The following AKT3 variants were observed in gnomAD, a reference collection of about 807,000 sequenced individuals.
The protein encoded by AKT3 is AKT serine/threonine kinase 3, also known as RAC-gamma serine/threonine-protein kinase.
A neutral mutation model predicts 65.3 loss-of-function variants in AKT3; 15 were observed. The ratio of observed to expected loss-of-function variants is 0.23; its 90% confidence interval spans 0.15 to 0.35. AKT3 has a LOEUF of 0.35. Among genes scored for constraint, AKT3 ranks in the 10% least tolerant of loss-of-function variants. The pLI, the probability that AKT3 is intolerant of heterozygous loss-of-function variation, is 1.00. For missense variants in AKT3, 243 were observed against 576.5 expected (o/e 0.42, Z 5.92); for synonymous variants, 206 against 183.8 (o/e 1.12, Z -0.98).
At chr1:243,829,185 G>C (rs1694351543) in intron 2 of AKT3, among the ~76,000 whole-genome samples, 1 of 151,854 alleles carries the variant, frequency 6.6e-6, no homozygotes, top group Non-Finnish European at 1.5e-5. Context: ...CTTTATATTG[G>C]CATGACATAC....
intron 12 of AKT3, 80 bp downstream of exon 12, chr1:243,545,430 C>T: frequency 1.3e-6 from 1 of 782,796 alleles, no homozygotes; most frequent in Non-Finnish European, 2.1e-6. Flanking sequence ...AACTTTTATT[C>T]ACTTAAAATA....
chr1:243,832,012 G>A (rs1312862990), intron 2 of AKT3, among the ~76,000 whole-genome samples: 9 of 151,252 alleles, frequency 6.0e-5, no homozygotes, highest in African/African-American at 2.2e-4. Context: ...CACCAACAGT[G>A]GCTCCTGCCT....
chr1:243,633,165 T>C (rs901860202), intron 6 of AKT3, among the ~76,000 whole-genome samples: 5 of 152,054 alleles, frequency 3.3e-5, no homozygotes, highest in South Asian at 2.1e-4. Flanking sequence ...TTTCAAAAAA[T>C]GAGGGAGGTA....
intron 4 of AKT3, among the ~76,000 whole-genome samples, chr1:243,648,317 A>AAAAT (rs1558682318): frequency 6.6e-6 from 1 of 152,018 alleles, no homozygotes; most frequent in Non-Finnish European, 1.5e-5. Context: ...CTTTTTCTGT[A>AAAAT]TCTCTATAAA....
intron 8 of AKT3, among the ~76,000 whole-genome samples, chr1:243,576,560 A>G (rs1003884599): frequency 2.6e-5 from 4 of 152,238 alleles, no homozygotes; most frequent in Non-Finnish European, 5.9e-5. Flanking sequence ...TCAATGTGCA[A>G]AAGTCATAAG....
chr1:243,552,079 C>T (rs905207656), intron 11 of AKT3, among the ~76,000 whole-genome samples: 2 of 152,028 alleles, frequency 1.3e-5, no homozygotes, highest in East Asian at 1.9e-4. Flanking sequence ...CACTTGAGGT[C>T]GGGAGTTCAA....
At chr1:243,496,137 A>T (rs1338670358), downstream of AKT3, among the ~76,000 whole-genome samples, 1 of 152,256 alleles carries the variant, frequency 6.6e-6, no homozygotes, top group Non-Finnish European at 1.5e-5. Context: ...TGAGATAAAT[A>T]ACCATTTTGT....
intron 2 of AKT3, among the ~76,000 whole-genome samples, chr1:243,806,482 C>A (rs1692734543): frequency 6.6e-6 from 1 of 152,186 alleles, no homozygotes; most frequent in African/African-American, 2.4e-5. Context: ...ATACCAAAAG[C>A]ATTAACTGAC....
intron 2 of AKT3, among the ~76,000 whole-genome samples, chr1:243,756,954 T>A (rs531171636): frequency 6.6e-6 from 1 of 152,272 alleles, no homozygotes; most frequent in South Asian, 2.1e-4. Context: ...ATAACCTACA[T>A]CTAATCAGGA....
intron 3 of AKT3, chr1:243,687,761 G>GT (rs1333121286): frequency 6.6e-6 from 1 of 152,068 alleles, no homozygotes; most frequent in Non-Finnish European, 1.5e-5. Flanking sequence ...TTACATTATA[G>GT]TTTTCTTAAA....
chr1:243,516,653 GAGCAATCCTCCTGCCTCAGCCTCCTGA>G lies in AKT3; in HGVS notation c.1252-4254_1252-4228del, dbSNP rs1315070620. 5.1e-3 allele frequency among the ~76,000 whole-genome samples: 772 copies of G among 151,980 alleles called. 6 individuals are homozygous for G. Among genetic ancestry groups the G allele is most frequent in the African/African-American group, 0.015 (616 of 41,470 alleles). On this transcript the variant is annotated intron_variant, in intron 12 of 13. Transcript: ENST00000673466. ...CTGAAGCCTCAAAACTCCTGGCCTC[GAGCAATCCTCCTGCCTCAGCCTCCTGA>G]AGCAATCCTCCTGCCTCAGCCTCCT...
chr1:243,667,937 C>A (rs1682911757), intron 3 of AKT3, among the ~76,000 whole-genome samples: 1 of 152,182 alleles, frequency 6.6e-6, no homozygotes, highest in Non-Finnish European at 1.5e-5. Flanking sequence ...CCCTCACACA[C>A]CCGCACAGCT....
At chr1:243,624,444 CTTTT>C (rs1270565031) in intron 6 of AKT3, among the ~76,000 whole-genome samples, 1 of 152,134 alleles carries the variant, frequency 6.6e-6, no homozygotes, top group African/African-American at 2.4e-5. Flanking sequence ...AATGTATCCA[CTTTT>C]TTTAAGACAA....
downstream of AKT3, among the ~76,000 whole-genome samples, chr1:243,497,400 G>C (rs1668269290): frequency 1.3e-5 from 2 of 151,708 alleles, no homozygotes. Flanking sequence ...GATGGATATG[G>C]GGCTTCTCAC....
intron 5 of AKT3, among the ~76,000 whole-genome samples, chr1:243,640,220 G>C (rs770272017): frequency 1.3e-5 from 2 of 152,278 alleles, no homozygotes; most frequent in South Asian, 2.1e-4. Context: ...AAATCAGCTA[G>C]TGTCATTTGA....
chr1:243,555,684 A>T (rs1239367496), intron 10 of AKT3, among the ~76,000 whole-genome samples: 1 of 152,116 alleles, frequency 6.6e-6, no homozygotes, highest in East Asian at 1.9e-4. Context: ...GAAAGGTATG[A>T]TAAACAGTGG....
At chr1:243,695,556 A>C in intron 3 of AKT3, 35 bp downstream of exon 3, 1 of 1,530,140 alleles carries the variant, frequency 6.5e-7, no homozygotes, top group Non-Finnish European at 8.8e-7. Context: ...AAAATAAATA[A>C]ATACAAGATG....
intron 8 of AKT3, among the ~76,000 whole-genome samples, chr1:243,579,851 CAAAT>C (rs1213659908): frequency 2.0e-5 from 3 of 152,084 alleles, no homozygotes; most frequent in Admixed American, 6.5e-5. Context: ...AGGAAAATGA[CAAAT>C]AGTGCAACAA....
At chr1:243,663,979 A>G (rs1325685358) in intron 4 of AKT3, among the ~76,000 whole-genome samples, 1 of 152,106 alleles carries the variant, frequency 6.6e-6, no homozygotes, top group Non-Finnish European at 1.5e-5. Context: ...AGTAATAATG[A>G]CAGTCAATGC....
Sources: gnomAD v4.1 joint callset for allele counts (sites outside exome capture counted in the v4.1 genomes callset) on GRCh38, gnomAD v4.1.1 for gene constraint, MANE v1.5 for transcripts, NCBI Gene and HGNC (gene_info 2026-07-23, HGNC 2026-07-21) for gene names.